Variants in CSMD3 observed in about 807,000 individuals in gnomAD.
CSMD3 encodes the protein CUB and sushi domain-containing protein 3.
In CSMD3, 177 loss-of-function variants were observed where a neutral mutation model predicts 435.2. The observed-to-expected ratio is 0.41, with a 90% CI of 0.36 to 0.46. CSMD3 has a LOEUF of 0.46. CSMD3 is among the 20% of genes least tolerant of loss of function. The pLI is 0.34. For missense variants in CSMD3, 4,265 were observed against 4,504.6 expected (o/e 0.95, Z 1.52); for synonymous variants, 1,656 against 1,520.5 (o/e 1.09, Z -2.07).
chr8:112,308,631 A>G (rs1040811795), intron 50 of CSMD3, among the ~76,000 whole-genome samples: 1 of 152,070 alleles, frequency 6.6e-6, no homozygotes. Flanking sequence ...ACGGAATACA[A>G]AGTGAGTTTC....
intron 3 of CSMD3, among the ~76,000 whole-genome samples, chr8:113,188,950 T>TG (rs1260448469): frequency 6.6e-6 from 1 of 151,878 alleles, no homozygotes; most frequent in Non-Finnish European, 1.5e-5. Flanking sequence ...TAATGGTCAC[T>TG]GGTTCATACT....
intron 7 of CSMD3, among the ~76,000 whole-genome samples, chr8:112,960,856 C>T (rs963011322): frequency 1.3e-5 from 2 of 151,580 alleles, no homozygotes; most frequent in African/African-American, 2.4e-5. Flanking sequence ...TATGTAAAAT[C>T]GTAATGTACT....
At chr8:112,464,463 A>G (rs543433396) in intron 32 of CSMD3, among the ~76,000 whole-genome samples, 1 of 152,190 alleles carries the variant, frequency 6.6e-6, no homozygotes, top group Admixed American at 6.5e-5. Flanking sequence ...GGAGGAAGAA[A>G]TTTATTAATT....
At chr8:112,530,250 A>G (rs1230228393) in intron 27 of CSMD3, among the ~76,000 whole-genome samples, 1 of 152,200 alleles carries the variant, frequency 6.6e-6, no homozygotes, top group Admixed American at 6.5e-5. Context: ...AATAAATAAT[A>G]GCTAAAATTT....
At chr8:113,141,757 C>G (rs1335293193) in intron 4 of CSMD3, among the ~76,000 whole-genome samples, 1 of 150,760 alleles carries the variant, frequency 6.6e-6, no homozygotes, top group East Asian at 1.9e-4. Flanking sequence ...TCTATAACAT[C>G]AGGAACAAGG....
rs192634040 is a variant in CSMD3, at chr8:112,572,450, A to G, written c.4042+1051T>C. Among the ~76,000 whole-genome samples the G allele has an allele frequency of 3.9e-3, 589 of 152,228 alleles. 4 individuals are homozygous for G. Among genetic ancestry groups the G allele is most frequent in the Middle Eastern group, 6.9e-3 (2 of 290 alleles). ...TATTCTCTTGTCTACTATTTCTTAT[A>G]CCATTAAGATAGACTCTTTACACAA... On this transcript the variant is annotated intron_variant, in intron 24 of 70. Transcript: ENST00000297405.
chr8:112,392,864 CTTTTTTTTTT>C (rs56809581), intron 35 of CSMD3, among the ~76,000 whole-genome samples: 1 of 122,168 alleles, frequency 8.2e-6, no homozygotes, highest in Admixed American at 8.8e-5. Context: ...TCTTTTTTTT[CTTTTTTTTTT>C]TTTTTTTTTG....
Position 112,313,906 on chromosome 8 carries a change from C to T in CSMD3, c.7696G>A (p.Ala2566Thr), listed in dbSNP as rs1284929585. The change falls in exon 49 of 71, where the codon GCT becomes ACT. Residue 2566 changes from alanine (A) to threonine (T), a missense_variant and splice_region_variant. Transcript: ENST00000297405. ...TCCTGAAGTTATAAGTTTTACATAC[C>T]TATATATCTTATCCGGAAGCCTTTT... ...NKKGFRIRYI[A>T]FYCSTPESPP... 1 of 1,607,210 alleles carries T rather than the reference C, an allele frequency of 6.2e-7. No individual in the cohort carries two copies. The highest frequency in any genetic ancestry group is 8.5e-7 in the Non-Finnish European group (1 of 1,174,330).
At chr8:112,746,521 C>T (rs1039826958) in intron 13 of CSMD3, among the ~76,000 whole-genome samples, 7 of 152,102 alleles carry the variant, frequency 4.6e-5, no homozygotes, top group Non-Finnish European at 8.8e-5. Flanking sequence ...ACCTAATATG[C>T]TTTATTAAAA....
intron 2 of CSMD3, among the ~76,000 whole-genome samples, chr8:113,306,791 A>G (rs994332010): frequency 6.6e-6 from 1 of 152,140 alleles, no homozygotes; most frequent in African/African-American, 2.4e-5. Flanking sequence ...AAAGAACCAA[A>G]AAGAAATGGT....
At chr8:112,410,650 G>GTATATATA (rs1563913272) in intron 32 of CSMD3, among the ~76,000 whole-genome samples, 1 of 73,822 alleles carries the variant, frequency 1.4e-5, no homozygotes, top group African/African-American at 4.3e-5. Flanking sequence ...ATATATATAT[G>GTATATATA]TGTATATATA....
chr8:112,886,058 C>T (rs747435515), intron 10 of CSMD3, among the ~76,000 whole-genome samples: 5 of 151,542 alleles, frequency 3.3e-5, no homozygotes, highest in Admixed American at 6.6e-5. Flanking sequence ...TTACCCAATC[C>T]GAAAGATGTG....
intron 6 of CSMD3, among the ~76,000 whole-genome samples, chr8:112,988,179 G>T (rs1028712762): frequency 1.3e-5 from 2 of 151,938 alleles, no homozygotes; most frequent in African/African-American, 4.8e-5. Context: ...CAAATCAAGG[G>T]AAGAGAAGGT....
intron 24 of CSMD3, 37 bp downstream of exon 24, chr8:112,573,464 C>T: frequency 6.5e-7 from 1 of 1,536,824 alleles, no homozygotes. Context: ...ATGCAGCACC[C>T]CAGTGTTTGG....
chr8:113,373,295 A>C (rs1458105953), intron 1 of CSMD3, among the ~76,000 whole-genome samples: 1 of 152,106 alleles, frequency 6.6e-6, no homozygotes, highest in Non-Finnish European at 1.5e-5. Context: ...TACTCGAAAA[A>C]ATAATTTTTC....
intron 27 of CSMD3, among the ~76,000 whole-genome samples, chr8:112,526,265 T>C (rs1384210042): frequency 1.3e-5 from 2 of 152,046 alleles, no homozygotes; most frequent in South Asian, 2.1e-4. Context: ...TAGGGCATTT[T>C]AGTTTATTTG....
intron 2 of CSMD3, among the ~76,000 whole-genome samples, chr8:113,283,176 A>G (rs1234532389): frequency 1.3e-5 from 2 of 152,146 alleles, no homozygotes; most frequent in Non-Finnish European, 2.9e-5. Flanking sequence ...TGGCTTAGGC[A>G]AGGATTTCAT....
At chr8:112,514,467 T>C (rs1823467031) in intron 28 of CSMD3, among the ~76,000 whole-genome samples, 1 of 152,190 alleles carries the variant, frequency 6.6e-6, no homozygotes, top group South Asian at 2.1e-4. Flanking sequence ...CTGAGGCAGT[T>C]ATATGGGCAT....
chr8:112,305,914 G>A, intron 51 of CSMD3, 93 bp downstream of exon 51: 1 of 1,041,556 alleles, frequency 9.6e-7, no homozygotes, highest in Non-Finnish European at 1.5e-6. Flanking sequence ...TTCAGTTTAG[G>A]GATTGGTTTT....
Sources: gnomAD v4.1 joint callset for allele counts (sites outside exome capture counted in the v4.1 genomes callset) on GRCh38, gnomAD v4.1.1 for gene constraint, MANE v1.5 for transcripts, NCBI Gene and HGNC (gene_info 2026-07-23, HGNC 2026-07-21) for gene names.